C2CD3: variants seen among roughly 807,000 people sequenced by gnomAD.
C2CD3 encodes C2 domain containing 3 centriole elongation regulator, also known as C2 domain-containing protein 3.
In C2CD3, 148 loss-of-function variants were observed where a neutral mutation model predicts 234.0. The observed-to-expected ratio is 0.63, with a 90% CI of 0.55 to 0.72. C2CD3 has a LOEUF of 0.72. Ranked by LOEUF, C2CD3 falls within the 30% of genes least tolerant of loss-of-function variation. The probability of loss-of-function intolerance (pLI) is 0.00; values close to 1 mark genes in which losing one functional copy is unlikely to be tolerated. For missense variants in C2CD3, 2,577 were observed against 2,811.5 expected (o/e 0.92, Z 1.89); for synonymous variants, 1,000 against 1,035.4 (o/e 0.97, Z 0.66).
chr11:74,052,027 A>C, intron 26 of C2CD3, among the ~76,000 whole-genome samples: 1 of 152,170 alleles, frequency 6.6e-6, no homozygotes, highest in Non-Finnish European at 1.5e-5. Context: ...CTTGGTCATG[A>C]CCTTGAGCAG....
At chr11:74,039,034 T>A (rs1456034249) in intron 29 of C2CD3, among the ~76,000 whole-genome samples, 1 of 152,212 alleles carries the variant, frequency 6.6e-6, no homozygotes, top group Non-Finnish European at 1.5e-5. Context: ...TTGATCCTTA[T>A]TCTATCACTA....
intron 29 of C2CD3, 128 bp downstream of exon 29, chr11:74,041,926 A>C: frequency 1.2e-6 from 1 of 864,066 alleles, no homozygotes; most frequent in Non-Finnish European, 1.8e-6. Flanking sequence ...ACTAACATGC[A>C]AAAGAGCCCT....
rs953051720 is a variant in C2CD3 at position 74,084,944 on chromosome 11, A to C, written c.3937T>G (p.Cys1313Gly). ...SASDIISIES[C>G]KEYLLGVVKV... ...ACTACTCCAAGCAGATACTCTTTGC[A>C]TGACTCAATACTGATTATATCACTT... Residue 1313 changes from cysteine (C) to glycine (G), a missense_variant, in exon 22 of 33, where the codon TGC (cysteine) becomes GGC (glycine). Transcript: ENST00000334126. 1 of 1,611,338 alleles carries C rather than the reference A, an allele frequency of 6.2e-7. No individual in the cohort carries two copies. Among genetic ancestry groups the C allele is most frequent in the East Asian group, 2.2e-5 (1 of 44,846 alleles).
intron 1 of C2CD3, among the ~76,000 whole-genome samples, chr11:74,169,331 T>C (rs1474515888): frequency 1.3e-5 from 2 of 152,248 alleles, no homozygotes; most frequent in Non-Finnish European, 2.9e-5. Flanking sequence ...CAATTAATCA[T>C]GACTTTCTAA....
chr11:74,043,224 T>C (rs960645606), intron 28 of C2CD3, among the ~76,000 whole-genome samples: 3 of 152,268 alleles, frequency 2.0e-5, no homozygotes, highest in Non-Finnish European at 2.9e-5. Context: ...ATATTTCATA[T>C]AAATGGAATC....
At chr11:74,106,317 C>T in intron 13 of C2CD3, 54 bp downstream of exon 13, 3 of 1,589,870 alleles carry the variant, frequency 1.9e-6, no homozygotes, top group Non-Finnish European at 2.6e-6. Flanking sequence ...CAGTGCCAGC[C>T]AATAATGCAT....
chr11:74,078,032 A>C, intron 23 of C2CD3, 83 bp downstream of exon 23: 1 of 1,467,448 alleles, frequency 6.8e-7, no homozygotes, highest in Non-Finnish European at 9.1e-7. Context: ...CAAGTAAAGT[A>C]ATGTCTGACA....
chr11:74,030,132 C>T (rs932311171), intron 31 of C2CD3, among the ~76,000 whole-genome samples: 21 of 152,220 alleles, frequency 1.4e-4, no homozygotes, highest in African/African-American at 3.9e-4. Flanking sequence ...ACAAACAACC[C>T]CCTGACCTTG....
At chr11:74,013,573 C>T in intron 32 of C2CD3, 48 bp from the exon 33 acceptor site, 2 of 1,141,588 alleles carry the variant, frequency 1.8e-6, no homozygotes, top group South Asian at 2.9e-5. Context: ...TATGGCACCA[C>T]CAATGGATGA....
intron 22 of C2CD3, among the ~76,000 whole-genome samples, chr11:74,083,632 G>C (rs905464028): frequency 2.0e-5 from 3 of 152,124 alleles, no homozygotes; most frequent in African/African-American, 7.2e-5. Flanking sequence ...AGTGGGCAAA[G>C]GATATGAACA....
chr11:74,056,525 C>T (rs1019855696), intron 25 of C2CD3, among the ~76,000 whole-genome samples: 2 of 152,168 alleles, frequency 1.3e-5, no homozygotes, highest in Non-Finnish European at 2.9e-5. Context: ...TTGGACCTAA[C>T]AATGACCTTA....
intron 21 of C2CD3, chr11:74,085,403 T>C (rs958459046): frequency 5.3e-6 from 3 of 561,742 alleles, no homozygotes; most frequent in East Asian, 2.9e-5. Context: ...ATACACCCAT[T>C]AACACTGACA....
intron 3 of C2CD3, among the ~76,000 whole-genome samples, chr11:74,160,784 G>A (rs1258727847): frequency 1.3e-5 from 2 of 151,904 alleles, no homozygotes; most frequent in Admixed American, 1.3e-4. Flanking sequence ...TTGAGATGAT[G>A]GATATGCTAA....
rs556631368 is a variant in C2CD3, at chr11:74,160,873, G to A, written c.483+526C>T. Among the ~76,000 whole-genome samples the A allele has an allele frequency of 1.0e-3, 154 of 152,104 alleles. 1 individual carries two copies. The highest frequency in any genetic ancestry group is 3.2e-3 in the African/African-American group (134 of 41,504). On this transcript the variant is annotated intron_variant, in intron 3 of 32. Transcript: ENST00000334126. ...TACTCTAAAAATATGTGTATCACGC[G>A]TCAATTAGAAATAAAATTTACAAAG...
rs1365160923 is a variant in C2CD3, at chr11:74,049,434, T to G, written c.5264A>C (p.Gln1755Pro). ...GGAGACAGCAACTTTTATCTGCCCC[T>G]GGCACTCTCCACTGAAGTCTGTGAT... is the stretch of plus-strand genomic sequence containing the variant. ...YNITDFSGEC[Q>P]GQIKVAVSPL... Residue 1755 changes from glutamine to proline, a missense_variant, in exon 27 of 33, where the codon CAG (glutamine) becomes CCG (proline). Coordinates refer to ENST00000334126, the MANE Select transcript of C2CD3 (RefSeq NM_001286577.2). 7 of 1,614,028 alleles carry G rather than the reference T, an allele frequency of 4.3e-6. No homozygotes were observed. The highest frequency in any genetic ancestry group is 5.1e-6 in the Non-Finnish European group (6 of 1,179,998).
chr11:74,079,977 A>C (rs188890893), intron 22 of C2CD3, among the ~76,000 whole-genome samples: 29 of 152,298 alleles, frequency 1.9e-4, no homozygotes, highest in African/African-American at 6.7e-4. Flanking sequence ...CTGTGGTAAT[A>C]AAGTGGCCAC....
In C2CD3 at chr11:74,033,548, C is replaced by T; in HGVS notation, c.6612G>A (p.Lys2204=). 1 of 1,536,228 alleles carries T rather than the reference C, an allele frequency of 6.5e-7. No homozygotes were observed. Among genetic ancestry groups the T allele is most frequent in the Non-Finnish European group, 8.7e-7 (1 of 1,146,920 alleles). ...CTTCATTCTCAGCTGGGGCCTCTGA[C>T]TTGGGCTCCTTGTTCTGATCTGTCT... ...SPQTDQNKEP[K]SEAPAENEAA... The change falls in exon 31 of 33, where the codon AAG becomes AAA. Residue 2204 remains lysine, a synonymous_variant. Transcript: ENST00000334126.
Position 74,132,958 on chromosome 11 carries a change from G to C in C2CD3, c.1103C>G (p.Ser368Cys). 3 of 1,613,846 alleles carry C rather than the reference G, an allele frequency of 1.9e-6. No homozygotes were observed. The highest frequency in any genetic ancestry group is 1.7e-6 in the Non-Finnish European group (2 of 1,179,808). The change falls in exon 7 of 33, where the codon TCT (serine) becomes TGT (cysteine). Residue 368 changes from serine (S) to cysteine (C), a missense_variant. By Grantham distance (112) the Ser-to-Cys change is moderately radical (BLOSUM62 -1). Coordinates refer to ENST00000334126, the MANE Select transcript of C2CD3 (RefSeq NM_001286577.2). ...LRASTQIRAF[S>C]RNRFKDHIED... ...AATGTGGTCTTTAAACCGATTCCTA[G>C]AAAAGGCTCTGATCCTAAGGTGTGG...
At chr11:74,124,856 T>A (rs567619656) in intron 7 of C2CD3, among the ~76,000 whole-genome samples, 1 of 152,374 alleles carries the variant, frequency 6.6e-6, no homozygotes, top group South Asian at 2.1e-4. Flanking sequence ...TTAAAAGTTA[T>A]GAAGACTTTT....
Sources: gnomAD v4.1 joint callset for allele counts (sites outside exome capture counted in the v4.1 genomes callset) on GRCh38, gnomAD v4.1.1 for gene constraint, MANE v1.5 for transcripts, NCBI Gene and HGNC (gene_info 2026-07-23, HGNC 2026-07-21) for gene names.